LRP1B: variants seen among roughly 807,000 people sequenced by gnomAD.
LRP1B encodes LDL receptor related protein 1B.
A neutral mutation model predicts 556.6 loss-of-function variants in LRP1B; 217 were observed. That is an observed-to-expected ratio of 0.39 (90% CI 0.35 to 0.44). LRP1B has a LOEUF of 0.44. Ranked by LOEUF, LRP1B falls within the 20% of genes least tolerant of loss-of-function variation. The pLI is 1.00. For missense variants in LRP1B, 5,053 were observed against 5,620.8 expected (o/e 0.90, Z 3.23); for synonymous variants, 2,047 against 1,865.8 (o/e 1.10, Z -2.50).
chr2:140,462,359 G>A (rs534544842), intron 60 of LRP1B, among the ~76,000 whole-genome samples: 5 of 152,118 alleles, frequency 3.3e-5, no homozygotes, highest in Non-Finnish European at 7.4e-5. Context: ...TAGTTGCAGA[G>A]AGTTTAATAA....
At chr2:141,795,038 T>C (rs551064678) in intron 2 of LRP1B, among the ~76,000 whole-genome samples, 1 of 152,072 alleles carries the variant, frequency 6.6e-6, no homozygotes, top group East Asian at 1.9e-4. Context: ...TAAATGTAAA[T>C]TGTATTAATT....
intron 2 of LRP1B, among the ~76,000 whole-genome samples, chr2:141,796,611 G>GT (rs1223371295): frequency 7.6e-6 from 1 of 131,840 alleles, no homozygotes; most frequent in African/African-American, 2.8e-5. Flanking sequence ...TGTATGACAT[G>GT]TGAAAAGATT....
chr2:140,510,092 C>A, intron 51 of LRP1B, 36 bp from the exon 52 acceptor site: 1 of 1,603,686 alleles, frequency 6.2e-7, no homozygotes, highest in South Asian at 1.1e-5. Context: ...TAAGATTACT[C>A]TGTGTCCACT....
At chr2:141,613,355 T>C (rs1179705123) in intron 2 of LRP1B, among the ~76,000 whole-genome samples, 1 of 152,186 alleles carries the variant, frequency 6.6e-6, no homozygotes, top group African/African-American at 2.4e-5. Flanking sequence ...AAAAGTTGCA[T>C]GACCGTTTAT....
At chr2:140,378,368 G>T in intron 67 of LRP1B, 82 bp from the exon 68 acceptor site, 1 of 695,936 alleles carries the variant, frequency 1.4e-6, no homozygotes, top group Non-Finnish European at 2.5e-6. Context: ...ACATGAGGTA[G>T]CATTAAAGAA....
intron 23 of LRP1B, among the ~76,000 whole-genome samples, chr2:140,888,019 T>C (rs569508812): frequency 6.6e-6 from 1 of 152,282 alleles, no homozygotes; most frequent in East Asian, 1.9e-4. Context: ...TCTTATGGTA[T>C]GTAAATTATA....
intron 6 of LRP1B, 88 bp from the exon 7 acceptor site, chr2:141,188,671 T>G (rs548220946): frequency 5.2e-6 from 6 of 1,146,662 alleles, no homozygotes; most frequent in Non-Finnish European, 7.5e-6. Context: ...CAAACCATCA[T>G]AGAGGACATT....
At chr2:140,323,755 G>C in intron 81 of LRP1B, 138 bp downstream of exon 81, 1 of 421,386 alleles carries the variant, frequency 2.4e-6, no homozygotes, top group Non-Finnish European at 4.2e-6. Flanking sequence ...AAAAAGTCTA[G>C]TGACATCAAA....
chr2:141,062,172 G>A lies in LRP1B; in HGVS notation c.1115C>T (p.Pro372Leu), dbSNP rs779516149. The A allele has an allele frequency of 1.9e-6, 3 of 1,611,824 alleles. No individual in the cohort carries two copies. The South Asian group carries it at 3.3e-5, about 18-fold the overall frequency. The change falls in exon 8 of 91, where the codon CCA becomes CTA. Residue 372 changes from proline (P) to leucine (L), a missense_variant. Around this residue, in one of 5 missense-constraint regions of LRP1B, gnomAD observed 3,619 missense variants for 3,931.9 expected, o/e 0.92. Transcript: ENST00000389484. ...TRIIDSKTEQ[P>L]AALALDLVNK... Reference sequence around the variant, plus strand: ...GACTAGGTCTAGTGCCAGTGCAGCTGGCTGCTCTGTCTTTGAATCAATTAT... The same window carrying A: ...GACTAGGTCTAGTGCCAGTGCAGCTAGCTGCTCTGTCTTTGAATCAATTAT...
chr2:141,303,625 T>A lies in LRP1B; in HGVS notation c.344-48984A>T, dbSNP rs557569909. Among the ~76,000 whole-genome samples, 5 of 152,286 alleles carry A rather than the reference T, an allele frequency of 3.3e-5. No homozygotes were observed. In the South Asian group the frequency reaches 1.0e-3, roughly 32 times the overall value. On this transcript the variant is annotated intron_variant, in intron 3 of 90. Transcript: ENST00000389484. The stretch of plus-strand genomic sequence containing the variant: ...GTAGCAAATGACAGGATTTCATTTT[T>A]TATGGCCAAAGATACACCCCATTTT...
chr2:140,819,502 T>C (rs1691244633), intron 31 of LRP1B, among the ~76,000 whole-genome samples: 1 of 151,838 alleles, frequency 6.6e-6, no homozygotes, highest in Non-Finnish European at 1.5e-5. Flanking sequence ...GTTAAAAAAA[T>C]GCAATTGAAA....
At chr2:140,533,461 T>C (rs1272108558) in intron 47 of LRP1B, among the ~76,000 whole-genome samples, 1 of 152,106 alleles carries the variant, frequency 6.6e-6, no homozygotes, top group Non-Finnish European at 1.5e-5. Flanking sequence ...TGGAAAATGT[T>C]AAACAGTATT....
intron 31 of LRP1B, among the ~76,000 whole-genome samples, chr2:140,835,828 C>T (rs1034544883): frequency 4.6e-5 from 7 of 152,190 alleles, no homozygotes; most frequent in South Asian, 2.1e-4. Flanking sequence ...CGTGAACCAC[C>T]GCACCTGGCC....
At chr2:140,973,054 A>T (rs1163167317) in intron 18 of LRP1B, among the ~76,000 whole-genome samples, 12 of 7,522 alleles carry the variant, frequency 1.6e-3, no homozygotes, top group South Asian at 2.5e-3. Context: ...ATTTCATTTT[A>T]TATATATATA....
At chr2:141,162,360 G>A (rs756253956) in intron 7 of LRP1B, among the ~76,000 whole-genome samples, 21 of 152,112 alleles carry the variant, frequency 1.4e-4, no homozygotes, top group African/African-American at 2.2e-4. Context: ...GTATGGGGAC[G>A]AAAGGAGTAT....
At chr2:141,435,214 AGG>A (rs1680718349) in intron 3 of LRP1B, among the ~76,000 whole-genome samples, 1 of 152,030 alleles carries the variant, frequency 6.6e-6, no homozygotes. Flanking sequence ...TTTTGGTCAG[AGG>A]TTGTATTTAA....
intron 27 of LRP1B, among the ~76,000 whole-genome samples, chr2:140,853,579 T>C (rs1252530604): frequency 6.6e-6 from 1 of 152,068 alleles, no homozygotes; most frequent in African/African-American, 2.4e-5. Context: ...GTAGAGGATA[T>C]GAGAAATGAA....
rs369545592 is a variant in LRP1B, at chr2:140,545,000, A to AGAT, written c.7195-3032_7195-3030dup. 4.9e-4 allele frequency among the ~76,000 whole-genome samples: 75 copies of AGAT among 152,226 alleles called. 2 individuals are homozygous for AGAT. The highest frequency in any genetic ancestry group is 1.7e-3 in the African/African-American group (71 of 41,544). ...AATAATAGCCATTCTGACTGGTGTG[A>AGAT]GATGGTATCTCATCGTGGTTTTGAT... On this transcript the variant is annotated intron_variant, in intron 43 of 90. Coordinates refer to ENST00000389484, the MANE Select transcript of LRP1B (RefSeq NM_018557.3).
chr2:141,819,848 T>TTAC (rs994003599), intron 1 of LRP1B, among the ~76,000 whole-genome samples: 1 of 152,070 alleles, frequency 6.6e-6, no homozygotes, highest in African/African-American at 2.4e-5. Context: ...GGAAACATCA[T>TTAC]TAACTATCTG....
Sources: gnomAD v4.1 joint callset for allele counts (sites outside exome capture counted in the v4.1 genomes callset) on GRCh38, gnomAD v4.1.1 for gene constraint, gnomAD v4.1.1 regional missense constraint, MANE v1.5 for transcripts, NCBI Gene and HGNC (gene_info 2026-07-23, HGNC 2026-07-21) for gene names.